The following RNFT2 variants were observed in gnomAD, a reference collection of about 807,000 sequenced individuals.
The protein encoded by RNFT2 is ring finger protein, transmembrane 2.
A neutral mutation model predicts 53.0 loss-of-function variants in RNFT2; 36 were observed. The ratio of observed to expected loss-of-function variants is 0.68; its 90% CI spans 0.52 to 0.90. The LOEUF is 0.90. Among genes scored for constraint, RNFT2 ranks in the 40% least tolerant of loss-of-function variants. The probability of loss-of-function intolerance (pLI) is 0.00; values close to 1 mark genes in which losing one functional copy is unlikely to be tolerated. For synonymous variants in RNFT2, 260 were observed against 253.2 expected (o/e 1.03, Z -0.26); for missense variants, 514 against 585.6 (o/e 0.88, Z 1.26).
At chr12:116,771,779 A>T (rs1298001075) in intron 6 of RNFT2, among the ~76,000 whole-genome samples, 1 of 152,090 alleles carries the variant, frequency 6.6e-6, no homozygotes, top group Non-Finnish European at 1.5e-5. Flanking sequence ...AAGCACAGGA[A>T]ATTGAATGGA....
intron 7 of RNFT2, among the ~76,000 whole-genome samples, chr12:116,792,614 C>T (rs11068191): frequency 0.057 from 8,623 of 152,090 alleles, 638 homozygotes; most frequent in African/African-American, 0.17. Context: ...GCCAGGTCAG[C>T]GCGTAATCTA....
chr12:116,824,565 G>A (rs946109337), intron 7 of RNFT2, among the ~76,000 whole-genome samples: 1 of 152,190 alleles, frequency 6.6e-6, no homozygotes, highest in African/African-American at 2.4e-5. Flanking sequence ...GGTAGCAAGA[G>A]CACCAGCCAT....
intron 10 of RNFT2, among the ~76,000 whole-genome samples, chr12:116,841,178 A>T (rs1048888152): frequency 1.3e-5 from 2 of 152,194 alleles, no homozygotes; most frequent in African/African-American, 4.8e-5. Context: ...CAGGCCAGGC[A>T]TGGTAGCTCA....
In RNFT2 at chr12:116,852,391, G is replaced by T; in HGVS notation, c.*2943G>T. ...CAAACCAGGACTTTCCCCTTGGCTTGGCATCCCTGGCTCTCTCCTGGTACC... is the reference window on the plus strand; with the variant it reads ...CAAACCAGGACTTTCCCCTTGGCTTTGCATCCCTGGCTCTCTCCTGGTACC... On this transcript the variant is annotated 3_prime_UTR_variant, in exon 11 of 11. Coordinates refer to ENST00000257575, the MANE Select transcript of RNFT2 (RefSeq NM_001382266.1). 9.4e-7 allele frequency: 1 copy of T among 1,062,822 alleles called. No individual in the cohort carries two copies. The allele number at this position is 1,062,822 out of a possible 1,614,324, so 65.8% of individuals were successfully genotyped here.
intron 5 of RNFT2, among the ~76,000 whole-genome samples, chr12:116,759,748 C>T (rs547873685): frequency 6.6e-6 from 1 of 152,280 alleles, no homozygotes; most frequent in South Asian, 2.1e-4. Context: ...ATACCAGTGC[C>T]TGTTGCCATG....
At chr12:116,753,963 A>G (rs958165330) in intron 4 of RNFT2, 21 bp from the exon 5 acceptor site, 1 of 1,610,986 alleles carries the variant, frequency 6.2e-7, no homozygotes, top group Non-Finnish European at 8.5e-7. Flanking sequence ...GGGTGACATC[A>G]GGCCCTTCTC....
chr12:116,752,738 T>A (rs1273426774), intron 4 of RNFT2, among the ~76,000 whole-genome samples: 1 of 152,002 alleles, frequency 6.6e-6, no homozygotes, highest in South Asian at 2.1e-4. Flanking sequence ...ATTAGCCAGG[T>A]GTGGTGGCAC....
intron 7 of RNFT2, among the ~76,000 whole-genome samples, chr12:116,819,198 C>T (rs28496917): frequency 6.6e-6 from 1 of 152,240 alleles, no homozygotes; most frequent in Non-Finnish European, 1.5e-5. Context: ...GACAAGGGGT[C>T]TTCGGGGTGA....
intron 10 of RNFT2, among the ~76,000 whole-genome samples, chr12:116,843,648 A>G (rs1346716713): frequency 1.3e-5 from 2 of 151,952 alleles, no homozygotes; most frequent in Non-Finnish European, 2.9e-5. Flanking sequence ...GTAGACGTTC[A>G]TCCCTTTCTC....
At chr12:116,749,177 G>A (rs1203008210) in intron 3 of RNFT2, among the ~76,000 whole-genome samples, 2 of 152,060 alleles carry the variant, frequency 1.3e-5, no homozygotes, top group Non-Finnish European at 2.9e-5. Context: ...CAGCAGGGTT[G>A]GTTCTTTCTG....
intron 10 of RNFT2, among the ~76,000 whole-genome samples, chr12:116,847,770 G>A (rs1286253359): frequency 1.3e-5 from 2 of 151,880 alleles, no homozygotes; most frequent in East Asian, 1.9e-4. Flanking sequence ...CGGGTGATCC[G>A]CCCACCTCAG....
intron 5 of RNFT2, among the ~76,000 whole-genome samples, chr12:116,762,496 G>A (rs1872729231): frequency 6.6e-6 from 1 of 152,156 alleles, no homozygotes; most frequent in Non-Finnish European, 1.5e-5. Flanking sequence ...CAGCAACTCA[G>A]GAGGCTGAGG....
intron 3 of RNFT2, 101 bp from the exon 4 acceptor site, chr12:116,749,740 A>AACCCAT: frequency 9.5e-7 from 1 of 1,055,412 alleles, no homozygotes. Context: ...GACACAGCTC[A>AACCCAT]ACCCATAACA....
intron 5 of RNFT2, among the ~76,000 whole-genome samples, chr12:116,764,486 G>C (rs1265157989): frequency 6.6e-6 from 1 of 152,176 alleles, no homozygotes; most frequent in Non-Finnish European, 1.5e-5. Context: ...GGACAACCCA[G>C]TCTCCATTTG....
chr12:116,796,620 A>G (rs895746257), intron 7 of RNFT2, among the ~76,000 whole-genome samples: 2 of 152,190 alleles, frequency 1.3e-5, no homozygotes, highest in African/African-American at 4.8e-5. Flanking sequence ...TAAAATCTCT[A>G]CATTTTCCAG....
intron 10 of RNFT2, among the ~76,000 whole-genome samples, chr12:116,845,848 A>G (rs1877586269): frequency 6.6e-6 from 1 of 152,098 alleles, no homozygotes; most frequent in Admixed American, 6.6e-5. Flanking sequence ...GCTATCTTCA[A>G]GTGCCTCAAA....
chr12:116,768,713 A>AT (rs111961943), intron 6 of RNFT2, among the ~76,000 whole-genome samples: 4,588 of 145,720 alleles, frequency 0.031, 257 homozygotes, highest in African/African-American at 0.11. Context: ...TTTCATTGTC[A>AT]TTTTTTTTTT....
chr12:116,829,555 C>T (rs143419032), intron 7 of RNFT2, among the ~76,000 whole-genome samples: 6 of 152,190 alleles, frequency 3.9e-5, no homozygotes, highest in African/African-American at 9.6e-5. Flanking sequence ...TGTGGGTGTA[C>T]GTGCTCCAAG....
At chr12:116,809,187 GTTCATTCA>G (rs10527732) in intron 7 of RNFT2, among the ~76,000 whole-genome samples, 120,432 of 150,852 alleles carry the variant, frequency 0.8, 48,637 homozygotes, top group Non-Finnish European at 0.86. Context: ...AGCTGAGTTT[GTTCATTCA>G]TTCATTCATT....
Sources: allele counts gnomAD v4.1 joint callset (sites outside exome capture counted in the v4.1 genomes callset), GRCh38; gene constraint gnomAD v4.1.1; transcripts MANE v1.5; gene names NCBI Gene and HGNC (gene_info 2026-07-23, HGNC 2026-07-21).